Variants in GTF3C1 observed in about 807,000 individuals in gnomAD.
The protein encoded by GTF3C1 is general transcription factor IIIC subunit 1.
GTF3C1 carries 57 observed loss-of-function variants against 226.7 expected under a neutral mutation model. That is an observed-to-expected ratio of 0.25 (90% CI 0.20 to 0.31). GTF3C1 has a LOEUF of 0.31. GTF3C1 is among the 10% of genes least tolerant of loss of function. The probability of loss-of-function intolerance (pLI) is 1.00; values close to 1 mark genes in which losing one functional copy is unlikely to be tolerated. For synonymous variants in GTF3C1, 1,090 were observed against 1,084.8 expected, an observed-to-expected ratio of 1.00 and a Z score of -0.09; for missense variants, 2,217 against 2,776.1, an observed-to-expected ratio of 0.80 and a Z score of 4.53.
intron 4 of GTF3C1, among the ~76,000 whole-genome samples, 170 bp downstream of exon 4, chr16:27,537,614 C>A (rs772740598): frequency 1.2e-4 from 18 of 152,112 alleles, no homozygotes; most frequent in Non-Finnish European, 2.6e-4. Context: ...TGGTATATTG[C>A]CCAGGCTGGT....
intron 24 of GTF3C1, among the ~76,000 whole-genome samples, chr16:27,485,160 G>A (rs1004004862): frequency 6.6e-5 from 10 of 152,256 alleles, no homozygotes; most frequent in Non-Finnish European, 1.2e-4. Context: ...GGGGACAAGC[G>A]GTCAAGACAA....
At chr16:27,489,325 G>A (rs913451010) in intron 20 of GTF3C1, 147 bp from the exon 21 acceptor site, 2 of 846,612 alleles carry the variant, frequency 2.4e-6, no homozygotes, top group East Asian at 2.6e-5. Context: ...AGAACTTGGG[G>A]GCCCTAAGTG....
chr16:27,547,908 T>C (rs897543308), intron 1 of GTF3C1, among the ~76,000 whole-genome samples: 1 of 152,118 alleles, frequency 6.6e-6, no homozygotes, highest in Admixed American at 6.5e-5. Flanking sequence ...TACAGGCTGA[T>C]AAACTCTTTA....
At chr16:27,534,438 C>A (rs2088969163) in intron 4 of GTF3C1, among the ~76,000 whole-genome samples, 1 of 152,134 alleles carries the variant, frequency 6.6e-6, no homozygotes, top group African/African-American at 2.4e-5. Context: ...GAGACTACAC[C>A]CACTTCCCCA....
At chr16:27,472,088 G>A (rs1231416266) in intron 29 of GTF3C1, among the ~76,000 whole-genome samples, 168 bp from the exon 30 acceptor site, 2 of 152,112 alleles carry the variant, frequency 1.3e-5, no homozygotes, top group South Asian at 2.1e-4. Context: ...GTGAGTGTGT[G>A]TATCAGGGGG....
In GTF3C1 at chr16:27,530,040, G is replaced by C. The variant is rs894673913; in HGVS notation, c.850-1319C>G. Reference sequence around the variant, plus strand: ...TTGCAGCCCCTGGCAGGTTACCATGGCTCCCAGCAAGGGAGCGAATGGCAG... The same window carrying C: ...TTGCAGCCCCTGGCAGGTTACCATGCCTCCCAGCAAGGGAGCGAATGGCAG... On this transcript the variant is annotated intron_variant, in intron 5 of 36. Transcript: ENST00000356183. Among the ~76,000 whole-genome samples, 133 of 152,280 alleles carry C rather than the reference G, an allele frequency of 8.7e-4. 2 individuals are homozygous for C. The highest frequency in any genetic ancestry group is 1.3e-4 in the Non-Finnish European group (9 of 68,016).
In GTF3C1 at chr16:27,511,893, C is replaced by T. The variant is rs557415981; in HGVS notation, c.982G>A (p.Val328Ile). 14 of 1,613,996 alleles carry T rather than the reference C, an allele frequency of 8.7e-6. No homozygotes were observed. Among genetic ancestry groups the T allele is most frequent in the East Asian group, 4.5e-5 (2 of 44,880 alleles). The change falls in exon 7 of 37, where the codon GTC (valine) becomes ATC (isoleucine). Residue 328 changes from valine (V) to isoleucine (I), a missense_variant. Val to Ile is a conservative substitution (Grantham distance 29, BLOSUM62 3). Around this residue, in one of 12 missense-constraint regions of GTF3C1, gnomAD observed 163 missense variants for 234.3 expected, o/e 0.70. Transcript: ENST00000356183. ...GPCKTKKGTD[V>I]MVRCLKLLKE... ...AGCAGCTTGAGGCACCGAACCATGACGTCGGTCCCTGGCAACACAAGCACG... is the reference window on the plus strand; with the variant it reads ...AGCAGCTTGAGGCACCGAACCATGATGTCGGTCCCTGGCAACACAAGCACG...
chr16:27,500,314 C>T (rs2088386544), intron 12 of GTF3C1, among the ~76,000 whole-genome samples: 1 of 152,060 alleles, frequency 6.6e-6, no homozygotes, highest in South Asian at 2.1e-4. Flanking sequence ...GGCCAGGGGA[C>T]ATTATTGTTT....
chr16:27,519,443 C>T (rs972954881), intron 6 of GTF3C1, among the ~76,000 whole-genome samples: 10 of 152,196 alleles, frequency 6.6e-5, no homozygotes, highest in Non-Finnish European at 1.2e-4. Flanking sequence ...TGCAGACCCT[C>T]AGGCCCCAGG....
chr16:27,532,224 C>T (rs879789593), intron 5 of GTF3C1, among the ~76,000 whole-genome samples: 4 of 152,160 alleles, frequency 2.6e-5, no homozygotes, highest in Non-Finnish European at 5.9e-5. Context: ...CAGACTGTAA[C>T]CACTGCTTTA....
intron 2 of GTF3C1, among the ~76,000 whole-genome samples, chr16:27,538,844 C>T (rs535151357): frequency 6.6e-6 from 1 of 152,142 alleles, no homozygotes; most frequent in South Asian, 2.1e-4. Context: ...TCATTCAGGT[C>T]GCAGCTCAGT....
intron 23 of GTF3C1, 103 bp downstream of exon 23, chr16:27,488,124 G>T: frequency 1.0e-6 from 1 of 961,510 alleles, no homozygotes; most frequent in Non-Finnish European, 1.6e-6. Flanking sequence ...GCGGAAACCC[G>T]TGCTGAAGGG....
intron 23 of GTF3C1, 55 bp downstream of exon 23, chr16:27,488,172 T>A: frequency 9.3e-6 from 14 of 1,508,974 alleles, no homozygotes; most frequent in Non-Finnish European, 1.3e-5. Context: ...CTGTCGCACA[T>A]CTCCAAGCCA....
At position 27,470,401 on chromosome 16, in the gene GTF3C1, G is replaced by GA. The variant is rs1357196501; in HGVS notation, c.4527-7dup. ...GAAATCGCCACGTAAAAATCCTACA[G>GA]ACAAAAAGAAAGGAAGGGCCTGACT... is the stretch of plus-strand genomic sequence containing the variant. On this transcript the variant is annotated splice_region_variant and splice_polypyrimidine_tract_variant and intron_variant, in intron 30 of 36. Transcript: ENST00000356183. The surrounding 1 kb of genome is among the most constrained non-coding windows in gnomAD (Gnocchi z 4.9). 6.2e-7 allele frequency: 1 copy of GA among 1,610,468 alleles called. No individual in the cohort carries two copies. The highest frequency in any genetic ancestry group is 1.3e-5 in the African/African-American group (1 of 74,658).
At chr16:27,509,359 G>C (rs1381505202) in intron 7 of GTF3C1, among the ~76,000 whole-genome samples, 1 of 152,198 alleles carries the variant, frequency 6.6e-6, no homozygotes, top group African/African-American at 2.4e-5. Context: ...AAGAACTCCA[G>C]GAAGGAGTCG....
At chr16:27,527,589 C>T (rs867334677) in intron 6 of GTF3C1, among the ~76,000 whole-genome samples, 3 of 152,236 alleles carry the variant, frequency 2.0e-5, no homozygotes, top group Non-Finnish European at 1.5e-5. Context: ...CTGTAAGTTA[C>T]TCAGCATCTC....
rs932472269 is a variant in GTF3C1 at position 27,471,109 on chromosome 16, T to C, written c.4526+639A>G. Among the ~76,000 whole-genome samples the C allele has an allele frequency of 2.0e-4, 30 of 152,210 alleles. No individual in the cohort carries two copies. The highest frequency in any genetic ancestry group is 1.9e-3 in the Admixed American group (29 of 15,280). ...GATCAAAGAACCAAAAGAAGATTCATGGTGCTGTCTCTGAGCATCTGACTG... is the reference window on the plus strand; with the variant it reads ...GATCAAAGAACCAAAAGAAGATTCACGGTGCTGTCTCTGAGCATCTGACTG... On this transcript the variant is annotated intron_variant, in intron 30 of 36. Transcript: ENST00000356183. This position sits in a 1 kb window ranked among gnomAD's most constrained non-coding sequence, Gnocchi z 5.0.
chr16:27,525,387 C>G (rs938674437), intron 6 of GTF3C1, among the ~76,000 whole-genome samples: 4 of 152,176 alleles, frequency 2.6e-5, no homozygotes, highest in Admixed American at 2.6e-4. Flanking sequence ...CACATTTACT[C>G]AGCACTGAGA....
At position 27,462,642 on chromosome 16, in the gene GTF3C1, T is replaced by C. The variant is rs570978184; in HGVS notation, c.5925-156A>G. ...CTCTGCTTTCCAAACTCCCTGCTTCTCTCCTGTCTGGACAGAGGGGCCCTT... is the reference window on the plus strand; with the variant it reads ...CTCTGCTTTCCAAACTCCCTGCTTCCCTCCTGTCTGGACAGAGGGGCCCTT... On this transcript the variant is annotated intron_variant, in intron 35 of 36. Coordinates refer to ENST00000356183, the MANE Select transcript of GTF3C1 (RefSeq NM_001520.4). This position sits in a 1 kb window ranked among gnomAD's most constrained non-coding sequence, Gnocchi z 4.5. 1.6e-6 allele frequency: 1 copy of C among 618,912 alleles called. No homozygotes were observed. The highest frequency in any genetic ancestry group is 1.9e-5 in the South Asian group (1 of 51,988). The allele number at this position is 618,912 out of a possible 1,614,324, so 38.3% of individuals were successfully genotyped here.
Sources: allele counts gnomAD v4.1 joint callset (sites outside exome capture counted in the v4.1 genomes callset), GRCh38; gene constraint gnomAD v4.1.1; regional missense constraint gnomAD v4.1.1; non-coding constraint Gnocchi (gnomAD v3.1); transcripts MANE v1.5; gene names NCBI Gene and HGNC (gene_info 2026-07-23, HGNC 2026-07-21).